The following SFR1 variants were observed in gnomAD, a reference collection of about 807,000 sequenced individuals.
SFR1 encodes the protein swi5-dependent recombination DNA repair protein 1 homolog.
In SFR1, 24 loss-of-function variants were observed where a neutral mutation model predicts 26.2. The ratio of observed to expected loss-of-function variants is 0.92; its 90% CI spans 0.66 to 1.29. The LOEUF is 1.29. Among genes scored for constraint, SFR1 ranks in the 50% most tolerant of loss-of-function variants. The pLI, the probability that SFR1 is intolerant of heterozygous loss-of-function variation, is 0.00. For synonymous variants in SFR1, 77 were observed against 96.6 expected (o/e 0.80, Z 1.19); for missense variants, 276 against 270.2 (o/e 1.02, Z -0.15).
intron 1 of SFR1, 27 bp downstream of exon 1, chr10:104,122,223 C>T (rs1483377184): frequency 3.9e-6 from 6 of 1,532,264 alleles, no homozygotes; most frequent in East Asian, 5.1e-5. Flanking sequence ...AAGGGGGGAT[C>T]CCTGACACCT....
At chr10:104,122,659 G>C in intron 1 of SFR1, 1 of 1,336,242 alleles carries the variant, frequency 7.5e-7, no homozygotes, top group Non-Finnish European at 9.6e-7. Flanking sequence ...ATTATCTAAA[G>C]CTGTTATTCT....
chr10:104,122,734 GTGACTA>G, intron 1 of SFR1: 1 of 1,430,172 alleles, frequency 7.0e-7, no homozygotes, highest in East Asian at 2.6e-5. Context: ...GGAGAGTCTT[GTGACTA>G]TGAGATACTA....
In SFR1 at chr10:104,123,081, A is replaced by G. The variant is rs1226182881; in HGVS notation, c.130A>G (p.Lys44Glu). The G allele has an allele frequency of 3.2e-6, 5 of 1,561,092 alleles. No homozygotes were observed. The East Asian group carries it at 1.1e-4, about 35-fold the overall frequency. Residue 44 changes from lysine to glutamate, a missense_variant, in exon 2 of 4, where the codon AAA becomes GAA. Coordinates refer to ENST00000369727, the MANE Select transcript of SFR1 (RefSeq NM_001002759.2). ...ATCTCCCTATACAAATAGTTCCCGAAAACAAGTATGAAAATCTTTGTTCTT... is the reference window on the plus strand; with the variant it reads ...ATCTCCCTATACAAATAGTTCCCGAGAACAAGTATGAAAATCTTTGTTCTT... ...PSSPYTNSSRKQPMSATLRER... is the reference protein window; with the variant it reads ...PSSPYTNSSREQPMSATLRER...
chr10:104,122,097 A>G (rs1362099665), upstream of SFR1: 9 of 1,487,708 alleles, frequency 6.0e-6, no homozygotes, highest in Non-Finnish European at 8.2e-6. Flanking sequence ...CCAATTGCGC[A>G]TCTTTTCCGC....
chr10:104,123,495 C>CTTT (rs541090091), intron 2 of SFR1: 9,508 of 438,956 alleles, frequency 0.022, 169 homozygotes, highest in Non-Finnish European at 0.029. Context: ...CTTCTCAACA[C>CTTT]TTTTGGAAAG....
chr10:104,122,116 C>G (rs2086969067), upstream of SFR1: 1 of 1,530,886 alleles, frequency 6.5e-7, no homozygotes, highest in Non-Finnish European at 8.8e-7. Context: ...GCCTACCGCA[C>G]GGCCCCGCCC....
intron 3 of SFR1, 148 bp from the exon 4 acceptor site, chr10:104,125,365 T>G (rs576731841): frequency 1.6e-6 from 1 of 615,980 alleles, no homozygotes; most frequent in African/African-American, 1.9e-5. Context: ...ATTCTACATA[T>G]GACCATCCTA....
rs2086976839 is a variant in SFR1 at position 104,122,556 on chromosome 10, C to G, written c.13+360C>G. The G allele has an allele frequency of 6.1e-6, 6 of 985,254 alleles. No individual in the cohort carries two copies. The South Asian group carries it at 2.3e-4, about 39-fold the overall frequency. 61.0% of individuals were successfully genotyped at this position (985,254 alleles called of 1,614,324 possible). A position where few individuals can be genotyped will look rare whatever the true frequency, so the allele number is the denominator to read the frequency against. On this transcript the variant is annotated intron_variant, in intron 1 of 3. Coordinates refer to ENST00000369727, the MANE Select transcript of SFR1 (RefSeq NM_001002759.2). ...GGTTCTAGTCACAGCTTGTAGAGTTCAGGATGGGTGACATTCAGGTCCTAT... is the reference window on the plus strand; with the variant it reads ...GGTTCTAGTCACAGCTTGTAGAGTTGAGGATGGGTGACATTCAGGTCCTAT...
upstream of SFR1, chr10:104,122,141 A>T: frequency 6.5e-7 from 1 of 1,546,588 alleles, no homozygotes; most frequent in Non-Finnish European, 8.7e-7. Flanking sequence ...CACAGGATCG[A>T]TTTACGGCCG....
At chr10:104,122,241 C>T in intron 1 of SFR1, 45 bp downstream of exon 1, 1 of 1,515,796 alleles carries the variant, frequency 6.6e-7, no homozygotes, top group Admixed American at 2.1e-5. Flanking sequence ...CCTGGGCTTC[C>T]CCGGGAGTCG....
intron 1 of SFR1, 45 bp downstream of exon 1, chr10:104,122,241 C>A (rs769548894): frequency 6.6e-7 from 1 of 1,515,796 alleles, no homozygotes; most frequent in Non-Finnish European, 8.9e-7. Context: ...CCTGGGCTTC[C>A]CCGGGAGTCG....
chr10:104,121,841 G>A (rs369739379), upstream of SFR1, among the ~76,000 whole-genome samples: 1 of 152,346 alleles, frequency 6.6e-6, no homozygotes, highest in African/African-American at 2.4e-5. Context: ...TTAACATTCC[G>A]AAGCTCAGCC....
intron 3 of SFR1, among the ~76,000 whole-genome samples, chr10:104,124,750 A>T (rs1357692272): frequency 6.6e-6 from 1 of 152,070 alleles, no homozygotes; most frequent in African/African-American, 2.4e-5. Context: ...TGGAGTTTTT[A>T]AAAAATAAAA....
Position 104,125,823 on chromosome 10 carries a change from T to C in SFR1, c.*119T>C. The C allele has an allele frequency of 3.1e-6, 2 of 648,656 alleles. No individual in the cohort carries two copies. Among genetic ancestry groups the C allele is most frequent in the Non-Finnish European group, 5.2e-6 (2 of 386,378 alleles). 40.2% of individuals were successfully genotyped at this position (648,656 alleles called of 1,614,324 possible). On this transcript the variant is annotated 3_prime_UTR_variant, in exon 4 of 4. Coordinates refer to ENST00000369727, the MANE Select transcript of SFR1 (RefSeq NM_001002759.2). ...TCTTGTCATCCTGGCTGGAGTGTGATGGTGCGATCTTGACTCACTGCAACC... is the reference window on the plus strand; with the variant it reads ...TCTTGTCATCCTGGCTGGAGTGTGACGGTGCGATCTTGACTCACTGCAACC...
At chr10:104,124,791 TTTTA>T (rs2087007982) in intron 3 of SFR1, among the ~76,000 whole-genome samples, 1 of 152,036 alleles carries the variant, frequency 6.6e-6, no homozygotes, top group Non-Finnish European at 1.5e-5. Flanking sequence ...AAAAAATATA[TTTTA>T]TTTATTTATT....
At chr10:104,122,160 C>A (rs1172260141), upstream of SFR1, 1 of 1,548,074 alleles carries the variant, frequency 6.5e-7, no homozygotes. Context: ...CGCAGGTGCG[C>A]GCGCTTTTTT....
chr10:104,122,164 CTTT>C, upstream of SFR1: 1 of 1,548,704 alleles, frequency 6.5e-7, no homozygotes, highest in South Asian at 1.2e-5. Context: ...GGTGCGCGCG[CTTT>C]TTTGCTCTCG....
At position 104,125,767 on chromosome 10, in the gene SFR1, C is replaced by CTTTTT; in HGVS notation, c.*74_*78dup. ...AACTTAATTAAAAGATACTTAGGCA[C>CTTTTT]TTTTTTTTTTTTTTTGAGACTGAGT... On this transcript the variant is annotated 3_prime_UTR_variant, in exon 4 of 4. Transcript: ENST00000369727. 5 of 857,856 alleles carry CTTTTT rather than the reference C, an allele frequency of 5.8e-6. No individual in the cohort carries two copies. The highest frequency in any genetic ancestry group is 1.8e-5 in the African/African-American group (1 of 54,482). 53.1% of individuals were successfully genotyped at this position (857,856 alleles called of 1,614,324 possible).
upstream of SFR1, among the ~76,000 whole-genome samples, chr10:104,121,102 G>A (rs533962817): frequency 1.5e-5 from 2 of 132,328 alleles, no homozygotes; most frequent in South Asian, 2.2e-4. Context: ...TACTGGAAGC[G>A]GGGCGCGGGG....
Sources: gnomAD v4.1 joint callset for allele counts (sites outside exome capture counted in the v4.1 genomes callset) on GRCh38, gnomAD v4.1.1 for gene constraint, MANE v1.5 for transcripts, NCBI Gene and HGNC (gene_info 2026-07-23, HGNC 2026-07-21) for gene names.